Variants in PAPPA observed in about 807,000 individuals in gnomAD.
The protein encoded by PAPPA is pappalysin 1.
PAPPA carries 60 observed loss-of-function variants against 164.0 expected under a neutral mutation model. The observed-to-expected ratio is 0.37, with a 90% CI of 0.30 to 0.45. PAPPA has a LOEUF of 0.45. Among genes scored for constraint, PAPPA ranks in the 20% least tolerant of loss-of-function variants. The pLI is 1.00. For missense variants in PAPPA, 1,782 were observed against 2,087.3 expected, an observed-to-expected ratio of 0.85 and a Z score of 2.85; for synonymous variants, 875 against 814.1, an observed-to-expected ratio of 1.07 and a Z score of -1.27.
At chr9:116,395,194 T>TTG (rs1270760104) in intron 21 of PAPPA, among the ~76,000 whole-genome samples, 1 of 152,178 alleles carries the variant, frequency 6.6e-6, no homozygotes, top group African/African-American at 2.4e-5. Flanking sequence ...ACATCTCAAG[T>TTG]AGATGAGAGA....
rs1055452615 is a variant in PAPPA at position 116,227,300 on chromosome 9, T to C, written c.2112-131T>C. On this transcript the variant is annotated intron_variant, in intron 5 of 21. Coordinates refer to ENST00000328252, the MANE Select transcript of PAPPA (RefSeq NM_002581.5). ...ACGGTTATTTCCAGAAGCCTTGGCA[T>C]ATGTAGGCAGGAAAGGGGGAAACAC... The C allele has an allele frequency of 3.2e-6, 3 of 927,996 alleles. No homozygotes were observed. In the African/African-American group the frequency reaches 4.9e-5, roughly 15 times the overall value. The allele number at this position is 927,996 out of a possible 1,614,324, so 57.5% of individuals were successfully genotyped here.
intron 9 of PAPPA, among the ~76,000 whole-genome samples, chr9:116,299,284 C>A (rs1845549327): frequency 6.6e-6 from 1 of 152,146 alleles, no homozygotes; most frequent in Non-Finnish European, 1.5e-5. Context: ...ATTTTTCTGT[C>A]TTTTAACTCT....
intron 20 of PAPPA, among the ~76,000 whole-genome samples, chr9:116,380,352 A>G (rs1588028440): frequency 6.6e-6 from 1 of 152,184 alleles, no homozygotes; most frequent in African/African-American, 2.4e-5. Flanking sequence ...ATATGGTTGC[A>G]GGAAAGAACA....
chr9:116,295,193 A>C (rs1845486301), intron 9 of PAPPA, among the ~76,000 whole-genome samples: 1 of 152,196 alleles, frequency 6.6e-6, no homozygotes, highest in Admixed American at 6.5e-5. Flanking sequence ...GTGAAATCAG[A>C]GATTTCCAAA....
At chr9:116,214,947 T>C (rs1489524917) in intron 4 of PAPPA, among the ~76,000 whole-genome samples, 4 of 152,228 alleles carry the variant, frequency 2.6e-5, no homozygotes, top group Non-Finnish European at 5.9e-5. Flanking sequence ...ATGTTCTTAA[T>C]GATATTTGTT....
chr9:116,245,000 T>C (rs1210243207), intron 7 of PAPPA, among the ~76,000 whole-genome samples: 1 of 152,174 alleles, frequency 6.6e-6, no homozygotes, highest in African/African-American at 2.4e-5. Flanking sequence ...TGGAATCTTG[T>C]CGTTTGAAGC....
chr9:116,256,064 C>T lies in PAPPA; in HGVS notation c.2733-9793C>T, dbSNP rs141979349. ...TGTTGCAGGGATACCTAGAAATTAA[C>T]GTAAAATCGCTCTGAGGGAGGACAT... On this transcript the variant is annotated intron_variant, in intron 7 of 21. Coordinates refer to ENST00000328252, the MANE Select transcript of PAPPA (RefSeq NM_002581.5). Among the ~76,000 whole-genome samples, 667 of 148,714 alleles carry T rather than the reference C, an allele frequency of 4.5e-3. 7 individuals carry two copies. The highest frequency in any genetic ancestry group is 0.015 in the African/African-American group (612 of 40,718).
At chr9:116,206,692 AT>A (rs1349400863) in intron 2 of PAPPA, among the ~76,000 whole-genome samples, 3 of 152,162 alleles carry the variant, frequency 2.0e-5, no homozygotes, top group Non-Finnish European at 4.4e-5. Context: ...GAAATGGCAA[AT>A]GAGAGACAGT....
chr9:116,187,716 G>C lies in PAPPA; in HGVS notation c.978G>C (p.Leu326=), dbSNP rs747157268. 2.5e-6 allele frequency: 4 copies of C among 1,614,244 alleles called. No homozygotes were observed. Among genetic ancestry groups the C allele is most frequent in the Non-Finnish European group, 3.4e-6 (4 of 1,180,048 alleles). Reference sequence around the variant, plus strand: ...TGGACACGAGTCTGGAGCCTCCTCTGTGCGGACAGACATTGTGTGACAACA... The same window carrying C: ...TGGACACGAGTCTGGAGCCTCCTCTCTGCGGACAGACATTGTGTGACAACA... ...FLLDTSLEPP[L]CGQTLCDNTE... is the part of the protein sequence containing the mutation. The change falls in exon 2 of 22, where the codon CTG becomes CTC. Residue 326 remains leucine (L), a synonymous_variant. Transcript: ENST00000328252. The surrounding 1 kb of genome is among the most constrained non-coding windows in gnomAD (Gnocchi z 4.2).
rs1271378423 is a variant in PAPPA at position 116,188,165 on chromosome 9, C to T, written c.1427C>T (p.Pro476Leu). 1 of 1,613,876 alleles carries T rather than the reference C, an allele frequency of 6.2e-7. No homozygotes were observed. Among genetic ancestry groups the T allele is most frequent in the African/African-American group, 1.3e-5 (1 of 74,922 alleles). ...FNFDGGECCD[P>L]EITNVTQTCF... ...TTTGATGGTGGAGAGTGCTGTGACC[C>T]TGAAATCACCAATGTCACTCAGACT... The change falls in exon 2 of 22, where the codon CCT becomes CTT. Residue 476 changes from proline to leucine, a missense_variant. Coordinates refer to ENST00000328252, the MANE Select transcript of PAPPA (RefSeq NM_002581.5).
chr9:116,232,185 G>A (rs768828756), intron 6 of PAPPA, among the ~76,000 whole-genome samples: 13 of 152,088 alleles, frequency 8.5e-5, no homozygotes, highest in Non-Finnish European at 1.5e-4. Flanking sequence ...CACAATCTTG[G>A]TTCTACTTAG....
chr9:116,206,725 C>T (rs527782216), intron 2 of PAPPA, among the ~76,000 whole-genome samples: 15 of 152,000 alleles, frequency 9.9e-5, no homozygotes, highest in Admixed American at 7.2e-4. Flanking sequence ...AGGAGGTGGA[C>T]GAGTATGGAG....
At chr9:116,216,104 A>G (rs1236730030) in intron 4 of PAPPA, among the ~76,000 whole-genome samples, 3 of 152,176 alleles carry the variant, frequency 2.0e-5, no homozygotes, top group Admixed American at 2.0e-4. Flanking sequence ...TATTATCTAC[A>G]TCTATTATTA....
chr9:116,240,542 G>A (rs1844723047), intron 7 of PAPPA, among the ~76,000 whole-genome samples: 1 of 152,146 alleles, frequency 6.6e-6, no homozygotes, highest in African/African-American at 2.4e-5. Flanking sequence ...AGAATGAGAA[G>A]GAATTTAGCA....
chr9:116,351,046 G>A (rs1018596063), intron 15 of PAPPA, among the ~76,000 whole-genome samples: 3 of 152,146 alleles, frequency 2.0e-5, no homozygotes, highest in Admixed American at 1.3e-4. Context: ...AAATTGCAAA[G>A]TACTTTCTCC....
chr9:116,191,424 T>G (rs1180301583), intron 2 of PAPPA, among the ~76,000 whole-genome samples: 2 of 152,186 alleles, frequency 1.3e-5, no homozygotes, highest in African/African-American at 4.8e-5. Flanking sequence ...CTTATTCCAT[T>G]TCATATCAGA....
chr9:116,335,312 C>T (rs146360572), intron 13 of PAPPA, among the ~76,000 whole-genome samples: 5 of 152,184 alleles, frequency 3.3e-5, no homozygotes, highest in East Asian at 1.9e-4. Flanking sequence ...TGGCTTGCAG[C>T]GGCAGAATTG....
chr9:116,289,652 A>C (rs1195938299), intron 9 of PAPPA, among the ~76,000 whole-genome samples: 1 of 152,110 alleles, frequency 6.6e-6, no homozygotes, highest in Non-Finnish European at 1.5e-5. Context: ...CAGGAATTAG[A>C]ATCATATAGA....
chr9:116,167,456 T>G (rs919495392), intron 1 of PAPPA, among the ~76,000 whole-genome samples: 1 of 152,326 alleles, frequency 6.6e-6, no homozygotes, highest in South Asian at 2.1e-4. Context: ...AGGCTACAGA[T>G]AAGGAGGACC....
Sources: gnomAD v4.1 joint callset for allele counts (sites outside exome capture counted in the v4.1 genomes callset) on GRCh38, gnomAD v4.1.1 for gene constraint, Gnocchi (gnomAD v3.1) non-coding constraint, MANE v1.5 for transcripts, NCBI Gene and HGNC (gene_info 2026-07-23, HGNC 2026-07-21) for gene names.